The following RNF150 variants were observed in gnomAD, a reference collection of about 807,000 sequenced individuals.
The protein encoded by RNF150 is ring finger protein 150.
In RNF150, 24 loss-of-function variants were observed where a neutral mutation model predicts 39.3. That is an observed-to-expected ratio of 0.61 (90% confidence interval 0.44 to 0.86). The LOEUF is 0.86. Among genes scored for constraint, RNF150 ranks in the 40% least tolerant of loss-of-function variants. The pLI is 0.00. For synonymous variants in RNF150, 255 were observed against 227.3 expected (o/e 1.12, Z -1.10); for missense variants, 502 against 587.8 (o/e 0.85, Z 1.51).
intron 2 of RNF150, among the ~76,000 whole-genome samples, chr4:140,951,194 C>T (rs1732525654): frequency 1.3e-5 from 2 of 152,134 alleles, no homozygotes; most frequent in South Asian, 4.1e-4. Flanking sequence ...TCACGTTTGA[C>T]ATTTGAAATT....
chr4:141,168,435 C>T (rs1381473066), intron 1 of RNF150, among the ~76,000 whole-genome samples: 3 of 152,160 alleles, frequency 2.0e-5, no homozygotes, highest in Admixed American at 6.5e-5. Flanking sequence ...CCAGCAATCC[C>T]ATTACTGGGT....
chr4:141,079,489 C>T (rs961161018), intron 1 of RNF150, among the ~76,000 whole-genome samples: 3 of 152,082 alleles, frequency 2.0e-5, no homozygotes, highest in Admixed American at 6.5e-5. Flanking sequence ...TGACCCTGGG[C>T]GAGTTACTTA....
At chr4:140,940,749 G>T (rs1181608402) in intron 4 of RNF150, among the ~76,000 whole-genome samples, 1 of 152,182 alleles carries the variant, frequency 6.6e-6, no homozygotes, top group African/African-American at 2.4e-5. Flanking sequence ...TTTCCAGAAA[G>T]TTCAGGAATA....
chr4:141,002,406 C>G (rs1734698917), intron 1 of RNF150, among the ~76,000 whole-genome samples: 1 of 152,120 alleles, frequency 6.6e-6, no homozygotes, highest in Non-Finnish European at 1.5e-5. Flanking sequence ...ATCTGCCTCC[C>G]CCACCTTCTT....
At chr4:141,095,164 G>A (rs1738723816) in intron 1 of RNF150, among the ~76,000 whole-genome samples, 1 of 152,220 alleles carries the variant, frequency 6.6e-6, no homozygotes, top group African/African-American at 2.4e-5. Context: ...GAGTGGGTAA[G>A]AAGAAATCAG....
At chr4:140,998,685 C>G (rs909755714) in intron 1 of RNF150, among the ~76,000 whole-genome samples, 1 of 152,150 alleles carries the variant, frequency 6.6e-6, no homozygotes, top group Non-Finnish European at 1.5e-5. Flanking sequence ...GAACATGCCA[C>G]TAATTCAAAG....
At chr4:141,101,308 A>G (rs1438564287) in intron 1 of RNF150, among the ~76,000 whole-genome samples, 1 of 152,068 alleles carries the variant, frequency 6.6e-6, no homozygotes, top group African/African-American at 2.4e-5. Flanking sequence ...TAAATCTTTC[A>G]TTTTATTTTT....
chr4:141,204,492 GTA>G (rs927437139), intron 1 of RNF150, among the ~76,000 whole-genome samples: 1 of 152,070 alleles, frequency 6.6e-6, no homozygotes, highest in African/African-American at 2.4e-5. Context: ...TTATTATATA[GTA>G]GACACTAAAG....
At chr4:141,156,855 C>T (rs1200497425) in intron 1 of RNF150, among the ~76,000 whole-genome samples, 1 of 151,626 alleles carries the variant, frequency 6.6e-6, no homozygotes, top group African/African-American at 2.4e-5. Flanking sequence ...TGCAGTGAGC[C>T]AAGATTGCAC....
intron 1 of RNF150, among the ~76,000 whole-genome samples, chr4:141,052,863 G>A (rs1398193838): frequency 2.0e-5 from 3 of 152,072 alleles, no homozygotes; most frequent in African/African-American, 7.2e-5. Context: ...AATCTCCCAA[G>A]TTTTGAAATA....
rs1286347887 is a variant in RNF150 at position 140,861,553 on chromosome 4, T to G, written c.*6708A>C. 3 of 152,238 alleles carry G rather than the reference T, an allele frequency of 2.0e-5. No homozygotes were observed. Among genetic ancestry groups the G allele is most frequent in the Non-Finnish European group, 4.4e-5 (3 of 68,050 alleles). The allele number at this position is 152,238 out of a possible 1,614,324, so 9.4% of individuals were successfully genotyped here. A position where few individuals can be genotyped will look rare whatever the true frequency, so the allele number is the denominator to read the frequency against. ...TTGCGATTACTCCAGCAGAGGGCAC[T>G]CTGCTCCTTGCAATAACATCCTACT... On this transcript the variant is annotated 3_prime_UTR_variant, in exon 7 of 7. Coordinates refer to ENST00000515673, the MANE Select transcript of RNF150 (RefSeq NM_020724.2).
At chr4:141,016,544 C>A (rs3851426) in intron 1 of RNF150, among the ~76,000 whole-genome samples, 147,048 of 152,336 alleles carry the variant, frequency 0.97, 71,171 homozygotes, top group East Asian at 1. Context: ...CAGAGATGTA[C>A]CTATTGTCAC....
chr4:141,204,377 T>G (rs6827471), intron 1 of RNF150, among the ~76,000 whole-genome samples: 77,923 of 151,962 alleles, frequency 0.51, 20,441 homozygotes, highest in East Asian at 0.8. Context: ...TTTGCAAAAG[T>G]TAGTTATGAT....
At chr4:141,181,618 G>A (rs1727910968) in intron 1 of RNF150, among the ~76,000 whole-genome samples, 1 of 151,954 alleles carries the variant, frequency 6.6e-6, no homozygotes, top group Admixed American at 6.6e-5. Flanking sequence ...TTTCTTTTTT[G>A]CATACAAATG....
intron 1 of RNF150, among the ~76,000 whole-genome samples, chr4:141,170,664 T>C (rs1475342117): frequency 6.6e-6 from 1 of 152,196 alleles, no homozygotes; most frequent in African/African-American, 2.4e-5. Context: ...ACATCCATTA[T>C]AGTGGAAGTC....
At chr4:141,198,038 T>C (rs570447924) in intron 1 of RNF150, among the ~76,000 whole-genome samples, 2 of 151,694 alleles carry the variant, frequency 1.3e-5, no homozygotes, top group Non-Finnish European at 2.9e-5. Context: ...CACTCCTTTT[T>C]TTTTTTTTTT....
intron 1 of RNF150, among the ~76,000 whole-genome samples, chr4:141,180,520 G>T (rs1727890842): frequency 6.6e-6 from 1 of 152,062 alleles, no homozygotes; most frequent in Non-Finnish European, 1.5e-5. Context: ...GTACAAAATG[G>T]TCTGCAATCG....
At chr4:141,010,261 GA>G (rs1344139259) in intron 1 of RNF150, among the ~76,000 whole-genome samples, 1 of 152,188 alleles carries the variant, frequency 6.6e-6, no homozygotes, top group African/African-American at 2.4e-5. Flanking sequence ...TGCCTTAGGG[GA>G]TATTAAGATC....
intron 5 of RNF150, among the ~76,000 whole-genome samples, chr4:140,915,438 G>T (rs560083886): frequency 3.3e-4 from 50 of 152,192 alleles, no homozygotes; most frequent in Non-Finnish European, 6.3e-4. Context: ...AGGATGAAGG[G>T]GAACAAAATC....
Sources: allele counts gnomAD v4.1 joint callset (sites outside exome capture counted in the v4.1 genomes callset), GRCh38; gene constraint gnomAD v4.1.1; transcripts MANE v1.5; gene names NCBI Gene and HGNC (gene_info 2026-07-23, HGNC 2026-07-21).